The following ZNF343 variants were observed in gnomAD, a reference collection of about 807,000 sequenced individuals.
ZNF343 encodes zinc finger protein 343.
In ZNF343, 11 loss-of-function variants were observed where a neutral mutation model predicts 13.8. The observed-to-expected ratio is 0.80, with a 90% CI of 0.50 to 1.32. The LOEUF is 1.32. Ranked by LOEUF, ZNF343 falls within the 40% of genes most tolerant of loss-of-function variation. The probability of loss-of-function intolerance (pLI) is 0.00; values close to 1 mark genes in which losing one functional copy is unlikely to be tolerated. For synonymous variants in ZNF343, 248 were observed against 260.0 expected (o/e 0.95, Z 0.44); for missense variants, 658 against 714.2 (o/e 0.92, Z 0.90).
upstream of ZNF343, among the ~76,000 whole-genome samples, chr20:2,510,091 C>T (rs1568492191): frequency 2.6e-5 from 4 of 152,172 alleles, no homozygotes; most frequent in South Asian, 8.3e-4. Flanking sequence ...CGTAACTGCC[C>T]GCTTGTCACA....
At chr20:2,520,598 CTTATT>C (rs918885160) in intron 1 of ZNF343, among the ~76,000 whole-genome samples, 8 of 152,120 alleles carry the variant, frequency 5.3e-5, no homozygotes, top group African/African-American at 1.2e-4. Flanking sequence ...TAATATACTG[CTTATT>C]TTATTTTATT....
chr20:2,483,902 A>G lies in ZNF343; in HGVS notation c.1059T>C (p.Tyr353=), dbSNP rs752412341. ...AGCCTCGCCCACACTCGCTGCAAAC[A>G]TAGGGCTTCTCCTCTGAGTGAGTCC... ...HQWTHSEEKP[Y]VCSECGRGFS... The change falls in exon 6 of 6, where the codon TAT becomes TAC. Residue 353 remains tyrosine (Y), a synonymous_variant. Coordinates refer to ENST00000278772, the MANE Select transcript of ZNF343 (RefSeq NM_024325.6). The G allele has an allele frequency of 1.9e-6, 3 of 1,614,088 alleles. No individual in the cohort carries two copies. The highest frequency in any genetic ancestry group is 1.7e-5 in the Admixed American group (1 of 60,004).
At chr20:2,507,527 T>C (rs1253918056) in intron 1 of ZNF343, among the ~76,000 whole-genome samples, 6 of 152,160 alleles carry the variant, frequency 3.9e-5, no homozygotes, top group Admixed American at 3.9e-4. Flanking sequence ...ACCATGCAAG[T>C]TTTACCTCCC....
chr20:2,517,789 G>C (rs764235482), intron 1 of ZNF343, among the ~76,000 whole-genome samples: 18 of 151,844 alleles, frequency 1.2e-4, no homozygotes, highest in Non-Finnish European at 2.5e-4. Flanking sequence ...TTAAAGGAGT[G>C]AGCCGTTGCC....
intron 1 of ZNF343, among the ~76,000 whole-genome samples, chr20:2,517,522 T>A (rs1339969870): frequency 6.6e-6 from 1 of 150,586 alleles, no homozygotes; most frequent in Non-Finnish European, 1.5e-5. Context: ...TGAGATAGGG[T>A]CTTACTCTGC....
chr20:2,491,723 G>T (rs1157590443), intron 5 of ZNF343: 1 of 152,124 alleles, frequency 6.6e-6, no homozygotes, highest in Non-Finnish European at 1.5e-5. Context: ...GCAAGTTAAG[G>T]GTTGTTACAG....
chr20:2,504,058 C>G (rs532051879), intron 1 of ZNF343, among the ~76,000 whole-genome samples: 132 of 151,950 alleles, frequency 8.7e-4, no homozygotes, highest in African/African-American at 3.0e-3. Flanking sequence ...ATTGATAGAC[C>G]GCTAGCAAGA....
intron 1 of ZNF343, among the ~76,000 whole-genome samples, chr20:2,514,901 A>ATTGC (rs1405516864): frequency 6.6e-6 from 1 of 152,068 alleles, no homozygotes; most frequent in African/African-American, 2.4e-5. Context: ...AGGCACGAGA[A>ATTGC]TTGCTTGAAC....
At chr20:2,507,204 C>T (rs1452206723) in intron 1 of ZNF343, among the ~76,000 whole-genome samples, 8 of 142,616 alleles carry the variant, frequency 5.6e-5, no homozygotes, top group South Asian at 2.2e-4. Context: ...GTGGAGGTTG[C>T]GGTGAGCCGA....
At chr20:2,501,867 CAG>C (rs2085572780) in intron 1 of ZNF343, among the ~76,000 whole-genome samples, 1 of 152,192 alleles carries the variant, frequency 6.6e-6, no homozygotes, top group Non-Finnish European at 1.5e-5. Context: ...GGGGAAAAAA[CAG>C]AGCAGAAAAA....
intron 5 of ZNF343, among the ~76,000 whole-genome samples, chr20:2,489,870 CG>C (rs2085338685): frequency 6.6e-6 from 1 of 151,828 alleles, no homozygotes; most frequent in Admixed American, 6.6e-5. Flanking sequence ...AAAAGAGACT[CG>C]GGCCGGGCTA....
rs574737818 is a variant in ZNF343 at position 2,514,756 on chromosome 20, C to T, written c.-347+9699G>A. 2.6e-5 allele frequency among the ~76,000 whole-genome samples: 4 copies of T among 152,156 alleles called. No homozygotes were observed. The South Asian group carries it at 6.2e-4, about 24-fold the overall frequency. On this transcript the variant is annotated intron_variant, in intron 1 of 6. Transcript: ENST00000358413. ...CAGCACTTTGGGAGGCCAAGGCAGG[C>T]AGATCACTTGAAGCCAGGAGTTGAA...
chr20:2,511,809 A>C (rs1002048161), upstream of ZNF343, among the ~76,000 whole-genome samples: 25 of 152,216 alleles, frequency 1.6e-4, no homozygotes, highest in Non-Finnish European at 3.1e-4. Context: ...CACAGCTAAC[A>C]TCATACTCAA....
chr20:2,496,640 A>G (rs2085463436), intron 2 of ZNF343, among the ~76,000 whole-genome samples: 1 of 152,188 alleles, frequency 6.6e-6, no homozygotes, highest in African/African-American at 2.4e-5. Flanking sequence ...TTCAGGTGGG[A>G]GATAATGGTG....
At chr20:2,517,569 A>T (rs1409079399) in intron 1 of ZNF343, among the ~76,000 whole-genome samples, 1 of 149,982 alleles carries the variant, frequency 6.7e-6, no homozygotes, top group Non-Finnish European at 1.5e-5. Flanking sequence ...TGGCATCATC[A>T]TGGCTCACTG....
chr20:2,493,484 C>T (rs774677879), intron 4 of ZNF343, 35 bp downstream of exon 4: 7 of 1,591,710 alleles, frequency 4.4e-6, no homozygotes, highest in Middle Eastern at 3.3e-4. Context: ...TGAGCCAGCA[C>T]TTCAGGAAAA....
intron 2 of ZNF343, among the ~76,000 whole-genome samples, chr20:2,499,492 GAAAA>G (rs1261368115): frequency 3.5e-5 from 4 of 113,830 alleles, no homozygotes; most frequent in Non-Finnish European, 7.3e-5. Flanking sequence ...AAAAAAAAAA[GAAAA>G]AGAAATGGCC....
chr20:2,506,156 AAAG>A (rs1442480292), intron 1 of ZNF343, among the ~76,000 whole-genome samples: 5 of 152,244 alleles, frequency 3.3e-5, no homozygotes, highest in African/African-American at 9.6e-5. Flanking sequence ...ACACTTCTCA[AAAG>A]AAGACATTTA....
rs564496591 is a variant in ZNF343 at position 2,483,508 on chromosome 20, T to C, written c.1453A>G (p.Arg485Gly). Reference protein sequence around the residue: ...SRKSLLLVHQRTHSGEKHYVC... With the variant: ...SRKSLLLVHQGTHSGEKHYVC... ...TAATGCTTCTCCCCTGAGTGTGTCC[T>C]CTGGTGGACAAGGAGGAGTGATTTC... The change falls in exon 6 of 6, where the codon AGG becomes GGG. Residue 485 changes from arginine to glycine, a missense_variant. By Grantham distance (125) the Arg-to-Gly change is moderately radical (BLOSUM62 -2). Transcript: ENST00000278772. The C allele has an allele frequency of 5.0e-6, 8 of 1,612,602 alleles. No homozygotes were observed. In the East Asian group the frequency reaches 1.1e-4, roughly 22 times the overall value.
Sources: allele counts gnomAD v4.1 joint callset (sites outside exome capture counted in the v4.1 genomes callset), GRCh38; gene constraint gnomAD v4.1.1; transcripts MANE v1.5; gene names NCBI Gene and HGNC (gene_info 2026-07-23, HGNC 2026-07-21).